The following NAV2 variants were observed in gnomAD, a reference collection of about 807,000 sequenced individuals.
NAV2 encodes the protein neuron navigator 2.
NAV2 carries 54 observed loss-of-function variants against 223.2 expected under a neutral mutation model. The observed-to-expected ratio is 0.24, with a 90% CI of 0.19 to 0.30. The LOEUF is 0.30. Ranked by LOEUF, NAV2 falls within the 10% of genes least tolerant of loss-of-function variation. NAV2 has a pLI of 1.00. For synonymous variants in NAV2, 1,279 were observed against 1,239.3 expected (o/e 1.03, Z -0.67); for missense variants, 2,806 against 3,147.5 (o/e 0.89, Z 2.60).
intron 12 of NAV2, among the ~76,000 whole-genome samples, chr11:20,041,293 C>G (rs1195875946): frequency 6.6e-6 from 1 of 152,162 alleles, no homozygotes; most frequent in Non-Finnish European, 1.5e-5. Context: ...TACTTCCTCA[C>G]TATGTGATCT....
At position 19,675,722 on chromosome 11, in the gene NAV2, C is replaced by T. The variant is rs79915923; in HGVS notation, c.76-156762C>T. On this transcript the variant is annotated intron_variant, in intron 1 of 37. Coordinates refer to the NAV2 transcript ENST00000360655. ...GTGTACCAACCTGCATGGCCAGTCC[C>T]GGGGCCCAAATGTGTTTTAGCTCTA... Among the ~76,000 whole-genome samples the T allele has an allele frequency of 1.8e-4, 28 of 152,230 alleles. No individual in the cohort carries two copies. In the East Asian group the frequency reaches 4.4e-3, roughly 24 times the overall value.
At chr11:20,013,317 G>C (rs910720181) in intron 11 of NAV2, among the ~76,000 whole-genome samples, 1 of 152,216 alleles carries the variant, frequency 6.6e-6, no homozygotes, top group South Asian at 2.1e-4. Context: ...CTGTGTGCCA[G>C]TCACTCTATT....
At chr11:20,004,393 T>G (rs751513598) in intron 11 of NAV2, among the ~76,000 whole-genome samples, 7 of 152,252 alleles carry the variant, frequency 4.6e-5, no homozygotes, top group South Asian at 2.1e-4. Context: ...AAAGTCCTGG[T>G]CTCTCCTCTC....
At chr11:19,409,465 C>T (rs1475759899) in intron 1 of NAV2, among the ~76,000 whole-genome samples, 1 of 152,192 alleles carries the variant, frequency 6.6e-6, no homozygotes, top group Non-Finnish European at 1.5e-5. Context: ...TCTTCTCCTT[C>T]CATCTCTTGG....
intron 1 of NAV2, among the ~76,000 whole-genome samples, chr11:19,618,388 GGATGGATGAATA>G (rs1239707826): frequency 1.8e-4 from 19 of 103,240 alleles, no homozygotes; most frequent in African/African-American, 6.2e-4. Flanking sequence ...ATGGATGGAT[GGATGGATGAATA>G]GATGGATGGA....
chr11:19,819,781 T>A (rs2059280037), intron 1 of NAV2, among the ~76,000 whole-genome samples: 1 of 152,234 alleles, frequency 6.6e-6, no homozygotes, highest in Non-Finnish European at 1.5e-5. Flanking sequence ...TATTATCCCA[T>A]TTTACAAATG....
At chr11:19,518,701 A>T (rs2043542713) in intron 1 of NAV2, 1 of 152,238 alleles carries the variant, frequency 6.6e-6, no homozygotes, top group African/African-American at 2.4e-5. Context: ...CAGAGATCAC[A>T]TCTGACTTAT....
rs116603621 is a variant in NAV2 at position 19,400,481 on chromosome 11, T to A, written c.75+49454T>A. Among the ~76,000 whole-genome samples the A allele has an allele frequency of 1.9e-3, 290 of 152,254 alleles. 2 individuals are homozygous for A. The highest frequency in any genetic ancestry group is 6.7e-3 in the African/African-American group (277 of 41,544). On this transcript the variant is annotated intron_variant, in intron 1 of 37. Transcript: ENST00000360655. ...CCAGCTTGTGTGCTGTCCACCATAG[T>A]GCTAGGAAAACAACACAGGAACTGA...
At position 19,604,524 on chromosome 11, in the gene NAV2, GGGACATATTAGATATT is replaced by G. The variant is rs144240556; in HGVS notation, c.76-227957_76-227942del. 4.4e-3 allele frequency among the ~76,000 whole-genome samples: 677 copies of G among 152,184 alleles called. 6 individuals are homozygous for G. The highest frequency in any genetic ancestry group is 0.016 in the African/African-American group (646 of 41,516). ...TGGAGCAGCTAGGATTGAGAGTTTG[GGGACATATTAGATATT>G]GGTGGCTTGGGATGCATTAAATCGT... On this transcript the variant is annotated intron_variant, in intron 1 of 37. Coordinates refer to the NAV2 transcript ENST00000360655.
At chr11:19,600,953 G>T (rs1347543949) in intron 1 of NAV2, among the ~76,000 whole-genome samples, 1 of 152,130 alleles carries the variant, frequency 6.6e-6, no homozygotes, top group Non-Finnish European at 1.5e-5. Flanking sequence ...TAATACATGA[G>T]AAAGCACTTT....
intron 1 of NAV2, among the ~76,000 whole-genome samples, chr11:19,404,502 G>A (rs1849812744): frequency 6.6e-6 from 1 of 152,158 alleles, no homozygotes; most frequent in South Asian, 2.1e-4. Flanking sequence ...CCAATAGTGA[G>A]AAATCAACCT....
intron 6 of NAV2, among the ~76,000 whole-genome samples, chr11:19,931,182 G>A (rs887603269): frequency 6.6e-5 from 10 of 152,128 alleles, no homozygotes; most frequent in African/African-American, 1.9e-4. Flanking sequence ...GCCGCTGATG[G>A]GCAGCGTCAA....
At chr11:19,913,060 C>T (rs1023770721) in intron 6 of NAV2, among the ~76,000 whole-genome samples, 7 of 152,210 alleles carry the variant, frequency 4.6e-5, no homozygotes, top group Non-Finnish European at 7.3e-5. Flanking sequence ...AGGATTACAG[C>T]TGGACAGCTG....
intron 1 of NAV2, among the ~76,000 whole-genome samples, chr11:19,360,025 A>G (rs1258574725): frequency 6.6e-6 from 1 of 152,150 alleles, no homozygotes; most frequent in Non-Finnish European, 1.5e-5. Flanking sequence ...CTTAGTTCAG[A>G]GTCATGAATT....
chr11:20,117,652 G>A (rs528135187), intron 37 of NAV2, among the ~76,000 whole-genome samples: 3 of 152,224 alleles, frequency 2.0e-5, no homozygotes, highest in Admixed American at 6.5e-5. Flanking sequence ...GATGCTTGTT[G>A]AAGTGGGAGG....
chr11:20,062,763 C>T (rs1231774947), intron 20 of NAV2, among the ~76,000 whole-genome samples: 2 of 152,172 alleles, frequency 1.3e-5, no homozygotes, highest in Non-Finnish European at 2.9e-5. Context: ...GGCTTGATCT[C>T]GGCTCACTGC....
intron 1 of NAV2, among the ~76,000 whole-genome samples, chr11:19,678,301 G>A (rs922461310): frequency 2.6e-5 from 4 of 152,214 alleles, no homozygotes. Context: ...TTCTCGTTTT[G>A]TACATGAGAA....
At chr11:19,424,891 A>T (rs772633063) in intron 1 of NAV2, among the ~76,000 whole-genome samples, 1 of 152,188 alleles carries the variant, frequency 6.6e-6, no homozygotes, top group Non-Finnish European at 1.5e-5. Context: ...GCAAGAATTT[A>T]AAAATAAAAA....
At position 19,359,149 on chromosome 11, in the gene NAV2, A is replaced by G. The variant is rs1853790142; in HGVS notation, c.75+8122A>G. On this transcript the variant is annotated intron_variant, in intron 1 of 37. Transcript: ENST00000360655. ...CTCTCTGAGTTAGATTCTTTGTGGCACAGAGCAGTAGTTTCTTAGAAAGGA... is the reference window on the plus strand; with the variant it reads ...CTCTCTGAGTTAGATTCTTTGTGGCGCAGAGCAGTAGTTTCTTAGAAAGGA... Among the ~76,000 whole-genome samples, 3 of 152,242 alleles carry G rather than the reference A, an allele frequency of 2.0e-5. No individual in the cohort carries two copies. The South Asian group carries it at 6.2e-4, about 32-fold the overall frequency.
Sources: allele counts gnomAD v4.1 joint callset (sites outside exome capture counted in the v4.1 genomes callset), GRCh38; gene constraint gnomAD v4.1.1; transcripts MANE v1.5; gene names NCBI Gene and HGNC (gene_info 2026-07-23, HGNC 2026-07-21).